Variants in ATP10B observed in about 807,000 individuals in gnomAD.
ATP10B encodes the protein ATPase phospholipid transporting 10B (putative).
In ATP10B, 122 loss-of-function variants were observed where a neutral mutation model predicts 141.2. That is an observed-to-expected ratio of 0.86 (90% confidence interval 0.75 to 1.00). The LOEUF (loss-of-function observed/expected upper bound fraction) is 1.00. Ranked by LOEUF, ATP10B falls within the 50% of genes least tolerant of loss-of-function variation. The pLI, the probability that ATP10B is intolerant of heterozygous loss-of-function variation, is 0.00. For synonymous variants in ATP10B, 685 were observed against 692.0 expected, an observed-to-expected ratio of 0.99 and a Z score of 0.16; for missense variants, 1,876 against 1,825.3, an observed-to-expected ratio of 1.03 and a Z score of -0.51.
chr5:160,869,418 G>A, the ATP10B span, among the ~76,000 whole-genome samples: 4 of 151,424 alleles, frequency 2.6e-5, no homozygotes, highest in South Asian at 8.4e-4. Flanking sequence ...TGATTTCTAG[G>A]AAACAATACC....
intron 1 of ATP10B, among the ~76,000 whole-genome samples, chr5:160,814,211 T>C (rs1221463831): frequency 1.3e-5 from 2 of 151,968 alleles, no homozygotes; most frequent in African/African-American, 4.8e-5. Flanking sequence ...TTCGAACCCA[T>C]GGCAAAGAAG....
In ATP10B at chr5:160,833,768, TG is replaced by T. The variant is rs542019790; in HGVS notation, c.-576+18172del. Among the ~76,000 whole-genome samples, 688 of 152,300 alleles carry T rather than the reference TG, an allele frequency of 4.5e-3. 2 individuals carry two copies. The highest frequency in any genetic ancestry group is 7.8e-3 in the Non-Finnish European group (532 of 68,020). On this transcript the variant is annotated intron_variant, in intron 1 of 25. Coordinates refer to ENST00000327245, the MANE Select transcript of ATP10B (RefSeq NM_025153.3). ...ATAAGACAGAACCCTATTTTTACTT[TG>T]TGTGATGTTTTTAAATCAATTACAT... is the stretch of plus-strand genomic sequence containing the variant.
At chr5:160,889,899 G>A in the ATP10B span, among the ~76,000 whole-genome samples, 1 of 152,086 alleles carries the variant, frequency 6.6e-6, no homozygotes. Context: ...GACATCTCCT[G>A]TCACACCTCC....
At chr5:160,830,068 T>C (rs1398985463) in intron 1 of ATP10B, among the ~76,000 whole-genome samples, 1 of 152,124 alleles carries the variant, frequency 6.6e-6, no homozygotes. Context: ...GCCTGTTCAG[T>C]ATGATGTTGG....
intron 6 of ATP10B, among the ~76,000 whole-genome samples, chr5:160,679,406 T>C (rs113956674): frequency 1.7e-4 from 26 of 152,372 alleles, no homozygotes; most frequent in African/African-American, 6.3e-4. Flanking sequence ...AAGCCACACA[T>C]ACAACATTTC....
At chr5:160,660,488 TC>T (rs1238449656) in intron 7 of ATP10B, among the ~76,000 whole-genome samples, 4 of 152,220 alleles carry the variant, frequency 2.6e-5, no homozygotes, top group Non-Finnish European at 4.4e-5. Flanking sequence ...CTTTGGAGGA[TC>T]CTAGGCAACC....
chr5:160,593,343 C>T lies in ATP10B; in HGVS notation c.3565-2204G>A, dbSNP rs529688889. Among the ~76,000 whole-genome samples, 238 of 152,322 alleles carry T rather than the reference C, an allele frequency of 1.6e-3. 1 individual carries two copies. The highest frequency in any genetic ancestry group is 5.5e-3 in the African/African-American group (229 of 41,558). On this transcript the variant is annotated intron_variant, in intron 22 of 25. Coordinates refer to ENST00000327245, the MANE Select transcript of ATP10B (RefSeq NM_025153.3). ...GGACCTCTAGCAAACTCCAACAGACCTGCAGCTGAGGATCCTGTCTGTTAG... is the reference window on the plus strand; with the variant it reads ...GGACCTCTAGCAAACTCCAACAGACTTGCAGCTGAGGATCCTGTCTGTTAG...
At chr5:160,886,442 G>A in the ATP10B span, among the ~76,000 whole-genome samples, 1 of 152,172 alleles carries the variant, frequency 6.6e-6, no homozygotes, top group Non-Finnish European at 1.5e-5. Context: ...GGATAGCTTA[G>A]AGGGGCTATG....
At chr5:160,774,198 T>C (rs1035435254) in intron 2 of ATP10B, among the ~76,000 whole-genome samples, 1 of 152,206 alleles carries the variant, frequency 6.6e-6, no homozygotes, top group African/African-American at 2.4e-5. Flanking sequence ...TCTTCAGTTC[T>C]GCCCCATAGG....
intron 8 of ATP10B, among the ~76,000 whole-genome samples, chr5:160,648,381 G>T (rs1015105679): frequency 1.3e-5 from 2 of 152,028 alleles, no homozygotes; most frequent in Non-Finnish European, 2.9e-5. Flanking sequence ...TTTTATGTGT[G>T]GCCCAAGACA....
At chr5:160,907,820 G>A in the ATP10B span, among the ~76,000 whole-genome samples, 1 of 152,164 alleles carries the variant, frequency 6.6e-6, no homozygotes, top group Non-Finnish European at 1.5e-5. Context: ...GTGCTACTTG[G>A]TACTTTTCAG....
chr5:160,737,515 A>C (rs888847175), intron 2 of ATP10B, among the ~76,000 whole-genome samples: 8 of 152,328 alleles, frequency 5.3e-5, no homozygotes, highest in Middle Eastern at 3.4e-3. Flanking sequence ...AGACTCCACA[A>C]AAAACTCTTA....
intron 14 of ATP10B, among the ~76,000 whole-genome samples, chr5:160,621,754 G>T (rs551375415): frequency 6.6e-6 from 1 of 152,180 alleles, no homozygotes; most frequent in Non-Finnish European, 1.5e-5. Flanking sequence ...GATTGGCTAA[G>T]AGTCTGTGGA....
At chr5:160,618,097 A>C in intron 15 of ATP10B, 124 bp from the exon 16 acceptor site, 2 of 756,258 alleles carry the variant, frequency 2.6e-6, no homozygotes, top group Admixed American at 2.2e-5. Flanking sequence ...CTTACAGCCC[A>C]CCTTAGAAAC....
chr5:160,798,761 T>C (rs1443522348), intron 1 of ATP10B, among the ~76,000 whole-genome samples: 1 of 148,296 alleles, frequency 6.7e-6, no homozygotes, highest in East Asian at 1.9e-4. Context: ...TTTTTTTTTT[T>C]TTTTTTTGAG....
At chr5:160,685,950 C>A in intron 6 of ATP10B, 129 bp downstream of exon 6, 1 of 806,284 alleles carries the variant, frequency 1.2e-6, no homozygotes, top group East Asian at 2.9e-5. Flanking sequence ...GAAATCACCC[C>A]CCCTTGAGAA....
chr5:160,686,325 T>C, intron 5 of ATP10B, 52 bp from the exon 6 acceptor site: 4 of 1,327,096 alleles, frequency 3.0e-6, no homozygotes, highest in Non-Finnish European at 4.0e-6. Flanking sequence ...AAAAATGTAC[T>C]TTCTCCCCCA....
Position 160,615,973 on chromosome 5 carries a change from T to C in ATP10B, c.2527-9A>G. 2 of 1,610,096 alleles carry C rather than the reference T, an allele frequency of 1.2e-6. No individual in the cohort carries two copies. The highest frequency in any genetic ancestry group is 1.7e-6 in the Non-Finnish European group (2 of 1,176,828). On this transcript the variant is annotated splice_polypyrimidine_tract_variant and intron_variant, in intron 16 of 25. Coordinates refer to ENST00000327245, the MANE Select transcript of ATP10B (RefSeq NM_025153.3). ...TCCTCTTCGCTTACAACCTATGGGA[T>C]GGGAAAAGGCTCCTTAACAATCTTG...
intron 12 of ATP10B, chr5:160,634,038 G>A (rs1759143411): frequency 2.4e-6 from 1 of 423,710 alleles, no homozygotes; most frequent in Admixed American, 3.5e-5. Flanking sequence ...ACACAATTGG[G>A]AAATGTCTCC....
Sources: allele counts gnomAD v4.1 joint callset (sites outside exome capture counted in the v4.1 genomes callset), GRCh38; gene constraint gnomAD v4.1.1; transcripts MANE v1.5; gene names NCBI Gene and HGNC (gene_info 2026-07-23, HGNC 2026-07-21).